The following SEZ6L variants were observed in gnomAD, a reference collection of about 807,000 sequenced individuals.
SEZ6L encodes the protein seizure related 6 homolog like.
SEZ6L carries 37 observed loss-of-function variants against 106.2 expected under a neutral mutation model. That is an observed-to-expected ratio of 0.35 (90% CI 0.27 to 0.46). SEZ6L has a LOEUF of 0.46. SEZ6L is among the 20% of genes least tolerant of loss of function. SEZ6L has a pLI of 1.00. For synonymous variants in SEZ6L, 541 were observed against 570.4 expected, an observed-to-expected ratio of 0.95 and a Z score of 0.73; for missense variants, 1,172 against 1,332.8, an observed-to-expected ratio of 0.88 and a Z score of 1.88.
intron 16 of SEZ6L, among the ~76,000 whole-genome samples, chr22:26,378,600 T>G (rs111531982): frequency 0.011 from 1,654 of 151,976 alleles, 32 homozygotes; most frequent in African/African-American, 0.038. Flanking sequence ...TTAGAGGGAG[T>G]TGGGGAAGGC....
At chr22:26,207,910 A>T (rs1314045781) in intron 1 of SEZ6L, among the ~76,000 whole-genome samples, 4 of 138,492 alleles carry the variant, frequency 2.9e-5, no homozygotes, top group Non-Finnish European at 4.7e-5. Context: ...ATTCATGTGT[A>T]TTTTTTTTTT....
intron 11 of SEZ6L, among the ~76,000 whole-genome samples, chr22:26,348,337 T>C (rs1301571773): frequency 6.6e-6 from 1 of 151,206 alleles, no homozygotes; most frequent in Non-Finnish European, 1.5e-5. Flanking sequence ...CTCTAAAAAA[T>C]AATAATAAGC....
At position 26,312,073 on chromosome 22, in the gene SEZ6L, T is replaced by C. The variant is rs555427660; in HGVS notation, c.1876+111T>C. On this transcript the variant is annotated intron_variant, in intron 8 of 16. Transcript: ENST00000248933. Reference sequence around the variant, plus strand: ...CTGTCCCCAGTTTTCATACCAACTTTAGGATTAGAACCCTTTCCAGGGTTC... The same window carrying C: ...CTGTCCCCAGTTTTCATACCAACTTCAGGATTAGAACCCTTTCCAGGGTTC... The C allele has an allele frequency of 9.2e-4, 1,001 of 1,090,874 alleles. 2 individuals carry two copies. Among genetic ancestry groups the C allele is most frequent in the Non-Finnish European group, 1.2e-3 (902 of 755,606 alleles). The allele number at this position is 1,090,874 out of a possible 1,614,324, so 67.6% of individuals were successfully genotyped here.
Position 26,292,889 on chromosome 22 carries a change from T to C in SEZ6L, c.578T>C (p.Val193Ala). The C allele has an allele frequency of 3.7e-6, 6 of 1,613,864 alleles. No homozygotes were observed. The highest frequency in any genetic ancestry group is 5.1e-6 in the Non-Finnish European group (6 of 1,179,940). Residue 193 changes from valine to alanine, a missense_variant, in exon 2 of 17, where the codon GTC becomes GCC. Physicochemically the swap from Val to Ala is moderately conservative, Grantham distance 64. This residue lies in a region of SEZ6L where 494 missense variants were observed against 445.8 expected (regional missense o/e 1.11). Coordinates refer to ENST00000248933, the MANE Select transcript of SEZ6L (RefSeq NM_021115.5). ...PLWLDRKESA[V>A]PTTPAPLQIS... The stretch of plus-strand genomic sequence containing the variant: ...TGGCTGGACCGAAAGGAGAGTGCGG[T>C]CCCTACAACACCCGCACCCCTGCAA...
At chr22:26,318,899 G>A (rs1370498560) in intron 9 of SEZ6L, among the ~76,000 whole-genome samples, 1 of 152,104 alleles carries the variant, frequency 6.6e-6, no homozygotes, top group Non-Finnish European at 1.5e-5. Flanking sequence ...AGAAACCTTG[G>A]CGTTATTCTG....
At chr22:26,255,842 T>C (rs1196180696) in intron 1 of SEZ6L, among the ~76,000 whole-genome samples, 1 of 152,228 alleles carries the variant, frequency 6.6e-6, no homozygotes, top group South Asian at 2.1e-4. Flanking sequence ...ATAGGGCCTC[T>C]GCCTTCGTGG....
At chr22:26,225,913 C>T (rs747341089) in intron 1 of SEZ6L, among the ~76,000 whole-genome samples, 2 of 152,182 alleles carry the variant, frequency 1.3e-5, no homozygotes, top group African/African-American at 2.4e-5. Flanking sequence ...GCTTAGTGAA[C>T]GATATCACCA....
chr22:26,319,374 C>G (rs2082091855), intron 9 of SEZ6L, among the ~76,000 whole-genome samples: 2 of 152,222 alleles, frequency 1.3e-5, no homozygotes, highest in South Asian at 4.1e-4. Flanking sequence ...AGCACCCATG[C>G]TCTGCTCAAA....
At chr22:26,249,613 A>G (rs1366147153) in intron 1 of SEZ6L, among the ~76,000 whole-genome samples, 2 of 152,110 alleles carry the variant, frequency 1.3e-5, no homozygotes, top group Non-Finnish European at 2.9e-5. Context: ...TCTCTTGGCT[A>G]TTGTGAATAG....
chr22:26,191,900 A>G (rs1349843955), intron 1 of SEZ6L, among the ~76,000 whole-genome samples: 1 of 152,102 alleles, frequency 6.6e-6, no homozygotes, highest in Non-Finnish European at 1.5e-5. Flanking sequence ...ACTAAATTTA[A>G]ATGTCTTTAA....
At chr22:26,273,228 T>C (rs2080426233) in intron 1 of SEZ6L, among the ~76,000 whole-genome samples, 1 of 152,228 alleles carries the variant, frequency 6.6e-6, no homozygotes, top group African/African-American at 2.4e-5. Flanking sequence ...TAAAAGGGCA[T>C]CTTTCCCCCA....
At chr22:26,238,524 C>T (rs577049389) in intron 1 of SEZ6L, among the ~76,000 whole-genome samples, 3 of 152,288 alleles carry the variant, frequency 2.0e-5, no homozygotes, top group South Asian at 2.1e-4. Context: ...AGGAGTAAAA[C>T]GCAGGCACTG....
At chr22:26,233,601 C>A (rs535181104) in intron 1 of SEZ6L, among the ~76,000 whole-genome samples, 2 of 152,368 alleles carry the variant, frequency 1.3e-5, no homozygotes, top group Admixed American at 1.3e-4. Flanking sequence ...GTCCCTGATT[C>A]TCCAAGCTTA....
rs531472016 is a variant in SEZ6L at position 26,318,976 on chromosome 22, T to C, written c.2015+5074T>C. On this transcript the variant is annotated intron_variant, in intron 9 of 16. Transcript: ENST00000248933. The stretch of plus-strand genomic sequence containing the variant: ...GTGGGCCACACCCTGATTTGTAGCA[T>C]CTGTCAATTTCCACGGTGTAAATAC... Among the ~76,000 whole-genome samples the C allele has an allele frequency of 5.3e-5, 8 of 152,242 alleles. No homozygotes were observed. The South Asian group carries it at 1.7e-3, about 32-fold the overall frequency.
intron 9 of SEZ6L, among the ~76,000 whole-genome samples, chr22:26,325,053 C>T (rs1215386643): frequency 1.3e-5 from 2 of 152,148 alleles, no homozygotes; most frequent in Non-Finnish European, 2.9e-5. Flanking sequence ...GACATAGACA[C>T]GCATCTCTGC....
At chr22:26,313,197 C>T (rs1285838151) in intron 8 of SEZ6L, among the ~76,000 whole-genome samples, 1 of 152,210 alleles carries the variant, frequency 6.6e-6, no homozygotes, top group Non-Finnish European at 1.5e-5. Context: ...TCTAAATTAT[C>T]GAGCAGCTAC....
chr22:26,313,036 C>T (rs1277858590), intron 8 of SEZ6L, among the ~76,000 whole-genome samples: 3 of 152,288 alleles, frequency 2.0e-5, no homozygotes, highest in East Asian at 3.9e-4. Flanking sequence ...TTAAATGTGC[C>T]GATTTAACAG....
rs994112882 is a variant in SEZ6L at position 26,313,617 on chromosome 22, C to T, written c.1877-147C>T. ...ACACACACACACGCACACACACACACGTGCTGGCTGCCCGAGGTGAAGACA... is the reference window on the plus strand; with the variant it reads ...ACACACACACACGCACACACACACATGTGCTGGCTGCCCGAGGTGAAGACA... On this transcript the variant is annotated intron_variant, in intron 8 of 16. Transcript: ENST00000248933. 106 of 723,406 alleles carry T rather than the reference C, an allele frequency of 1.5e-4. 1 individual carries two copies. The African/African-American group carries it at 1.5e-3, about 10-fold the overall frequency. The allele number at this position is 723,406 out of a possible 1,614,324, so 44.8% of individuals were successfully genotyped here.
rs539681008 is a variant in SEZ6L, at chr22:26,349,668, T to C, written c.2408-1384T>C. 3.3e-5 allele frequency among the ~76,000 whole-genome samples: 5 copies of C among 152,296 alleles called. No individual in the cohort carries two copies. In the East Asian group the frequency reaches 9.6e-4, roughly 29 times the overall value. ...GATGTGAACAACCACACCCAGCTAA[T>C]TTTTAAAAATTTTTTGTAGAGACAG... On this transcript the variant is annotated intron_variant, in intron 11 of 16. Coordinates refer to ENST00000248933, the MANE Select transcript of SEZ6L (RefSeq NM_021115.5).
Sources: allele counts gnomAD v4.1 joint callset (sites outside exome capture counted in the v4.1 genomes callset), GRCh38; gene constraint gnomAD v4.1.1; regional missense constraint gnomAD v4.1.1; transcripts MANE v1.5; gene names NCBI Gene and HGNC (gene_info 2026-07-23, HGNC 2026-07-21).